Variants in PPM1A observed in about 807,000 individuals in gnomAD.
PPM1A encodes the protein protein phosphatase, Mg2+/Mn2+ dependent 1A, also known as protein phosphatase 1A.
Under a neutral mutation model 35.0 loss-of-function variants are expected in PPM1A, and 7 were observed. The observed-to-expected ratio is 0.20, with a 90% CI of 0.11 to 0.38. The LOEUF (loss-of-function observed/expected upper bound fraction) is 0.38, where lower values mean the gene tolerates loss of function less well. PPM1A is among the 10% of genes least tolerant of loss of function. PPM1A has a pLI of 1.00. For synonymous variants in PPM1A, 153 were observed against 167.3 expected, an observed-to-expected ratio of 0.91 and a Z score of 0.66; for missense variants, 239 against 467.8, an observed-to-expected ratio of 0.51 and a Z score of 4.51.
intron 1 of PPM1A, among the ~76,000 whole-genome samples, chr14:60,279,079 T>C (rs1241618677): frequency 2.6e-5 from 4 of 152,156 alleles, no homozygotes; most frequent in African/African-American, 7.2e-5. Flanking sequence ...CAAGAAACAG[T>C]ATTTACTTAC....
intron 3 of PPM1A, chr14:60,287,219 G>T (rs1887111975): frequency 1.0e-6 from 1 of 954,856 alleles, no homozygotes; most frequent in Non-Finnish European, 1.2e-6. Context: ...ATGGAATTAT[G>T]AAATATTCAC....
intron 1 of PPM1A, among the ~76,000 whole-genome samples, chr14:60,253,981 A>G (rs2139330559): frequency 6.6e-6 from 1 of 152,294 alleles, no homozygotes; most frequent in East Asian, 1.9e-4. Context: ...TTTTATGTCA[A>G]GTGGAAATAC....
At chr14:60,286,268 A>G (rs1190418348) in intron 3 of PPM1A, 2 of 985,794 alleles carry the variant, frequency 2.0e-6, no homozygotes, top group South Asian at 4.7e-5. Context: ...TAAGCCATAA[A>G]CTGTCTCACC....
Position 60,259,210 on chromosome 14 carries a change from A to G in PPM1A, c.-21+9533A>G, listed in dbSNP as rs566181237. On this transcript the variant is annotated intron_variant, in intron 1 of 5. Coordinates refer to ENST00000395076, the MANE Select transcript of PPM1A (RefSeq NM_021003.5). ...TTTTGAAAAATGTTAGATTATATCA[A>G]CTGAAGTCTGTTAGAGGCAAATGCT... 9.9e-5 allele frequency among the ~76,000 whole-genome samples: 15 copies of G among 152,272 alleles called. No homozygotes were observed. The East Asian group carries it at 2.7e-3, about 27-fold the overall frequency.
At chr14:60,275,843 C>A (rs932201682) in intron 1 of PPM1A, among the ~76,000 whole-genome samples, 4 of 115,756 alleles carry the variant, frequency 3.5e-5, no homozygotes, top group African/African-American at 1.7e-4. Flanking sequence ...CAAAGATTAG[C>A]CTTTTTTTTT....
At chr14:60,269,346 G>A (rs1019447123) in intron 1 of PPM1A, among the ~76,000 whole-genome samples, 2 of 152,062 alleles carry the variant, frequency 1.3e-5, no homozygotes, top group Admixed American at 6.5e-5. Flanking sequence ...CACTACTTTA[G>A]TGCTGGCATA....
chr14:60,275,842 G>GA (rs1239361372), intron 1 of PPM1A, among the ~76,000 whole-genome samples: 84 of 123,294 alleles, frequency 6.8e-4, no homozygotes, highest in African/African-American at 2.9e-3. Flanking sequence ...CCAAAGATTA[G>GA]CCTTTTTTTT....
upstream of PPM1A, among the ~76,000 whole-genome samples, chr14:60,246,977 A>G (rs1271062666): frequency 6.6e-6 from 1 of 152,246 alleles, no homozygotes; most frequent in Non-Finnish European, 1.5e-5. Context: ...GGAAGGAAGC[A>G]GAAAGATAGG....
rs1357405673 is a variant in PPM1A at position 60,249,854 on chromosome 14, G to T, written c.-21+177G>T. Among the ~76,000 whole-genome samples the T allele has an allele frequency of 6.6e-6, 1 of 151,478 alleles. No individual in the cohort carries two copies. Among genetic ancestry groups the T allele is most frequent in the Admixed American group, 6.6e-5 (1 of 15,246 alleles). ...TCCTCCCCCGAGCCGGGCGGCGGAC[G>T]GCGAGGGGTTAACGCTCGGCGAGGG... On this transcript the variant is annotated intron_variant, in intron 1 of 5. Coordinates refer to ENST00000395076, the MANE Select transcript of PPM1A (RefSeq NM_021003.5). This position sits in a 1 kb window ranked among gnomAD's most constrained non-coding sequence, Gnocchi z 4.5.
upstream of PPM1A, among the ~76,000 whole-genome samples, chr14:60,246,582 G>A (rs1881797588): frequency 1.3e-5 from 2 of 152,014 alleles, no homozygotes; most frequent in Non-Finnish European, 2.9e-5. Context: ...GTAGAGGCCC[G>A]GCAAAGTCTT....
intron 1 of PPM1A, among the ~76,000 whole-genome samples, chr14:60,265,843 A>C (rs1471993126): frequency 6.6e-6 from 1 of 152,228 alleles, no homozygotes; most frequent in Admixed American, 6.5e-5. Context: ...GCATTACTCA[A>C]TTCATGAGGG....
chr14:60,246,469 C>T (rs10151922), upstream of PPM1A, among the ~76,000 whole-genome samples: 23,839 of 152,116 alleles, frequency 0.16, 2,071 homozygotes, highest in African/African-American at 0.21. Flanking sequence ...ATTTCCAAAG[C>T]AGAGCAGGAT....
intron 3 of PPM1A, chr14:60,286,572 C>G: frequency 2.0e-6 from 2 of 985,250 alleles, no homozygotes; most frequent in Non-Finnish European, 2.4e-6. Flanking sequence ...ATTTTAGGCT[C>G]CTAATGTCGT....
chr14:60,281,812 T>C (rs1206295246), intron 1 of PPM1A, among the ~76,000 whole-genome samples: 3 of 152,228 alleles, frequency 2.0e-5, no homozygotes, highest in African/African-American at 7.2e-5. Context: ...AGCAGGGCTG[T>C]CACTAGACCC....
rs2139299680 is a variant in PPM1A, at chr14:60,249,704, G to T, written c.-21+27G>T. The T allele has an allele frequency of 3.1e-6, 3 of 983,202 alleles. No homozygotes were observed. Among genetic ancestry groups the T allele is most frequent in the South Asian group, 4.5e-5 (1 of 22,026 alleles). 60.9% of individuals were successfully genotyped at this position (983,202 alleles called of 1,614,324 possible). On this transcript the variant is annotated intron_variant, in intron 1 of 5. Transcript: ENST00000395076. The surrounding 1 kb of genome is among the most constrained non-coding windows in gnomAD (Gnocchi z 4.5). The stretch of plus-strand genomic sequence containing the variant: ...TAAGTGCGGCGCTCGGGCCGACGGC[G>T]GGCTGGCGGGCGGTGCGGGCCTGCG...
intron 1 of PPM1A, chr14:60,250,585 A>C (rs891026665): frequency 4.6e-6 from 1 of 219,152 alleles, no homozygotes; most frequent in African/African-American, 2.3e-5. Flanking sequence ...CCTCCCCGCA[A>C]GTTTCCTGCT....
Position 60,292,582 on chromosome 14 carries a change from G to A in PPM1A, c.*100G>A. 2 of 1,036,494 alleles carry A rather than the reference G, an allele frequency of 1.9e-6. No homozygotes were observed. Among genetic ancestry groups the A allele is most frequent in the Non-Finnish European group, 2.9e-6 (2 of 683,560 alleles). The allele number at this position is 1,036,494 out of a possible 1,614,324, so 64.2% of individuals were successfully genotyped here. A position where few individuals can be genotyped will look rare whatever the true frequency, so the allele number is the denominator to read the frequency against. On this transcript the variant is annotated 3_prime_UTR_variant, in exon 6 of 6. Transcript: ENST00000395076. This position sits in a 1 kb window ranked among gnomAD's most constrained non-coding sequence, Gnocchi z 4.2. ...CATCCATCCTCAACTTTAAGGAAGGGGATATGACATGGGTGAGAATGATTA... is the reference window on the plus strand; with the variant it reads ...CATCCATCCTCAACTTTAAGGAAGGAGATATGACATGGGTGAGAATGATTA...
upstream of PPM1A, among the ~76,000 whole-genome samples, chr14:60,246,552 T>C (rs532320477): frequency 2.0e-5 from 3 of 152,324 alleles, no homozygotes; most frequent in East Asian, 5.8e-4. Context: ...AAAATCTTAC[T>C]GTGAACATCC....
Position 60,292,610 on chromosome 14 carries a change from T to A in PPM1A, c.*128T>A. 1.5e-6 allele frequency: 1 copy of A among 665,170 alleles called. No homozygotes were observed. Among genetic ancestry groups the A allele is most frequent in the Non-Finnish European group, 2.4e-6 (1 of 412,614 alleles). The allele number at this position is 665,170 out of a possible 1,614,324, so 41.2% of individuals were successfully genotyped here. On this transcript the variant is annotated 3_prime_UTR_variant, in exon 6 of 6. Transcript: ENST00000395076. This position sits in a 1 kb window ranked among gnomAD's most constrained non-coding sequence, Gnocchi z 4.2. ...TATGACATGGGTGAGAATGATTACA[T>A]CAGAGAACTTCAGCAGTACAACAGC...
Sources: allele counts gnomAD v4.1 joint callset (sites outside exome capture counted in the v4.1 genomes callset), GRCh38; gene constraint gnomAD v4.1.1; non-coding constraint Gnocchi (gnomAD v3.1); transcripts MANE v1.5; gene names NCBI Gene and HGNC (gene_info 2026-07-23, HGNC 2026-07-21).